The following AOPEP variants were observed in gnomAD, a reference collection of about 807,000 sequenced individuals.
The protein encoded by AOPEP is aminopeptidase O (putative), also known as aminopeptidase O.
AOPEP carries 77 observed loss-of-function variants against 98.1 expected under a neutral mutation model. That is an observed-to-expected ratio of 0.78 (90% CI 0.65 to 0.95). AOPEP has a LOEUF of 0.95. Ranked by LOEUF, AOPEP falls within the 40% of genes least tolerant of loss-of-function variation. The pLI is 0.00. For missense variants in AOPEP, 1,024 were observed against 1,024.7 expected (o/e 1.00, Z 0.01); for synonymous variants, 346 against 365.3 (o/e 0.95, Z 0.60).
the AOPEP span, among the ~76,000 whole-genome samples, chr9:95,121,678 G>A: frequency 6.6e-6 from 1 of 152,174 alleles, no homozygotes; most frequent in Non-Finnish European, 1.5e-5. Flanking sequence ...ACATGGCAAC[G>A]TCAAGAAGTC....
chr9:94,982,044 A>C (rs1208048453), intron 11 of AOPEP, among the ~76,000 whole-genome samples: 1 of 152,356 alleles, frequency 6.6e-6, no homozygotes, highest in Middle Eastern at 3.4e-3. Flanking sequence ...ACCTCTTTAA[A>C]GAATATCCCA....
At chr9:95,016,271 T>C (rs1308681150) in intron 13 of AOPEP, among the ~76,000 whole-genome samples, 1 of 132,582 alleles carries the variant, frequency 7.5e-6, no homozygotes, top group Non-Finnish European at 1.6e-5. Context: ...TTTTGAAACG[T>C]ATTCTCTATC....
Position 94,792,781 on chromosome 9 carries a change from T to C in AOPEP, c.981T>C (p.Tyr327=). The C allele has an allele frequency of 6.2e-7, 1 of 1,610,868 alleles. No individual in the cohort carries two copies. Among genetic ancestry groups the C allele is most frequent in the South Asian group, 1.1e-5 (1 of 90,794 alleles). The part of the protein sequence containing the change: ...TQLWEECSSW[Y]YYVTMPMPAS... ...TGTTTACAGAGTGCTCAAGCTGGTA[T>C]TACTATGTAACTATGCCAATGCCAG... Residue 327 remains tyrosine (Y), a synonymous_variant, in exon 4 of 17, where the codon TAT becomes TAC. Transcript: ENST00000375315.
chr9:94,859,038 A>AAAAAAAAAAAAG (rs77152132), intron 5 of AOPEP, among the ~76,000 whole-genome samples: 7 of 151,376 alleles, frequency 4.6e-5, no homozygotes, highest in African/African-American at 1.7e-4. Flanking sequence ...AAAAAAAAAG[A>AAAAAAAAAAAAG]AGACCTGGAA....
At position 95,061,115 on chromosome 9, in the gene AOPEP, G is replaced by C. The variant is rs898962087; in HGVS notation, c.2232+305G>C. 1.7e-5 allele frequency: 4 copies of C among 234,062 alleles called. No homozygotes were observed. In the South Asian group the frequency reaches 2.8e-4, roughly 16 times the overall value. The allele number at this position is 234,062 out of a possible 1,614,324, so 14.5% of individuals were successfully genotyped here. A position where few individuals can be genotyped will look rare whatever the true frequency, so the allele number is the denominator to read the frequency against. On this transcript the variant is annotated intron_variant, in intron 14 of 16. Transcript: ENST00000375315. ...TGGGTCATTGTGCCCACTGACGGTG[G>C]TGCCATTCTGTTGCACATTAAGGAA...
intron 5 of AOPEP, among the ~76,000 whole-genome samples, chr9:94,834,264 G>T (rs1185696196): frequency 1.3e-5 from 2 of 152,260 alleles, no homozygotes; most frequent in Non-Finnish European, 1.5e-5. Flanking sequence ...TTCTTCAAAA[G>T]ATACATTGCA....
intron 9 of AOPEP, among the ~76,000 whole-genome samples, chr9:94,957,124 G>C (rs2058515058): frequency 6.6e-6 from 1 of 152,074 alleles, no homozygotes; most frequent in South Asian, 2.1e-4. Flanking sequence ...CCATGACTTC[G>C]GAGGTTTTGA....
At chr9:95,011,987 TCA>T (rs966418560) in intron 13 of AOPEP, among the ~76,000 whole-genome samples, 1 of 152,214 alleles carries the variant, frequency 6.6e-6, no homozygotes, top group Non-Finnish European at 1.5e-5. Flanking sequence ...ACTATTCATA[TCA>T]TAATAGCTAA....
At chr9:95,090,003 G>C (rs992294091), downstream of AOPEP, among the ~76,000 whole-genome samples, 1 of 152,222 alleles carries the variant, frequency 6.6e-6, no homozygotes, top group African/African-American at 2.4e-5. Flanking sequence ...TGCTCACAAG[G>C]GGCTTTCTTA....
chr9:94,743,334 A>T (rs1833703313), intron 1 of AOPEP, among the ~76,000 whole-genome samples: 1 of 152,158 alleles, frequency 6.6e-6, no homozygotes, highest in Non-Finnish European at 1.5e-5. Flanking sequence ...GTGGTATGAG[A>T]TGCCACAGAG....
At chr9:94,796,900 A>G (rs1410996429) in intron 4 of AOPEP, among the ~76,000 whole-genome samples, 2 of 152,194 alleles carry the variant, frequency 1.3e-5, no homozygotes, top group African/African-American at 4.8e-5. Context: ...TGGGGGCCAT[A>G]CAGTTTAAAC....
the AOPEP span, among the ~76,000 whole-genome samples, chr9:95,098,638 G>C: frequency 2.6e-5 from 4 of 152,236 alleles, no homozygotes; most frequent in Non-Finnish European, 4.4e-5. Flanking sequence ...TCCCAGAGGG[G>C]CCTGTGGGGC....
intron 5 of AOPEP, among the ~76,000 whole-genome samples, chr9:94,902,754 T>A (rs1443025342): frequency 2.0e-5 from 3 of 152,018 alleles, no homozygotes; most frequent in Non-Finnish European, 4.4e-5. Flanking sequence ...TAAAGCTCTT[T>A]TTAAAATCTT....
At chr9:94,846,107 A>T (rs2042834373) in intron 5 of AOPEP, among the ~76,000 whole-genome samples, 1 of 152,028 alleles carries the variant, frequency 6.6e-6, no homozygotes, top group Non-Finnish European at 1.5e-5. Context: ...AAAAAAAAAA[A>T]AAAATTTGAG....
chr9:95,051,834 G>C lies in AOPEP; in HGVS notation c.2116-8860G>C, dbSNP rs895068627. On this transcript the variant is annotated intron_variant, in intron 13 of 16. Transcript: ENST00000375315. ...TTCTCCTGCCTCTGCCTCCCAAGTA[G>C]CTGGGACTACAGGCGCCTGCCACCA... Among the ~76,000 whole-genome samples, 6 of 152,018 alleles carry C rather than the reference G, an allele frequency of 3.9e-5. No homozygotes were observed. The East Asian group carries it at 1.2e-3, about 29-fold the overall frequency.
the AOPEP span, among the ~76,000 whole-genome samples, chr9:95,105,648 TC>T: frequency 6.6e-6 from 1 of 152,124 alleles, no homozygotes; most frequent in Non-Finnish European, 1.5e-5. Context: ...CCACACTGAC[TC>T]CCCACCCTCT....
intron 7 of AOPEP, chr9:94,931,735 G>A (rs1285628772): frequency 1.9e-6 from 3 of 1,550,120 alleles, no homozygotes; most frequent in Non-Finnish European, 2.6e-6. Flanking sequence ...GTTGGCGGAT[G>A]CAGTGGAAGC....
chr9:94,968,074 T>C (rs1680878341), intron 10 of AOPEP, among the ~76,000 whole-genome samples: 1 of 152,150 alleles, frequency 6.6e-6, no homozygotes, highest in African/African-American at 2.4e-5. Context: ...ATCTGTGGCC[T>C]TTGCTGCTGC....
chr9:94,933,878 G>T (rs1414977163), intron 7 of AOPEP, among the ~76,000 whole-genome samples: 1 of 151,764 alleles, frequency 6.6e-6, no homozygotes, highest in Non-Finnish European at 1.5e-5. Flanking sequence ...CTCCCAAGTA[G>T]CTGGGACTAC....
Sources: gnomAD v4.1 joint callset for allele counts (sites outside exome capture counted in the v4.1 genomes callset) on GRCh38, gnomAD v4.1.1 for gene constraint, MANE v1.5 for transcripts, NCBI Gene and HGNC (gene_info 2026-07-23, HGNC 2026-07-21) for gene names.